DGKZ: variants seen among roughly 807,000 people sequenced by gnomAD.
The protein encoded by DGKZ is diacylglycerol kinase zeta.
In DGKZ, 45 loss-of-function variants were observed where a neutral mutation model predicts 142.5. The ratio of observed to expected loss-of-function variants is 0.32; its 90% CI spans 0.25 to 0.40. The LOEUF (loss-of-function observed/expected upper bound fraction) is 0.40, where lower values mean the gene tolerates loss of function less well. DGKZ is among the 10% of genes least tolerant of loss of function. DGKZ has a pLI of 1.00. For synonymous variants in DGKZ, 442 were observed against 527.0 expected, an observed-to-expected ratio of 0.84 and a Z score of 2.21; for missense variants, 755 against 1,306.5, an observed-to-expected ratio of 0.58 and a Z score of 6.51.
chr11:46,371,821 G>T, intron 9 of DGKZ, 46 bp downstream of exon 9: 1 of 1,584,886 alleles, frequency 6.3e-7, no homozygotes. Flanking sequence ...AGGAGAGAGG[G>T]GTCTGTTGCT....
chr11:46,369,497 A>C (rs1327233669), exon 5 of DGKZ: 1 of 1,613,880 alleles, frequency 6.2e-7, no homozygotes, highest in East Asian at 2.2e-5. Flanking sequence ...TTCACAGATA[A>C]ATTTCCGCTG....
Position 46,372,950 on chromosome 11 carries a change from TG to T in DGKZ, c.1186-10del. ...AGCCACAGAGGGCTCAGTCCCTGCC[TG>T]CTCCCCCAGGGCTACACAGATGAGC... On this transcript the variant is annotated splice_polypyrimidine_tract_variant and intron_variant, in intron 13 of 30. Coordinates refer to ENST00000527911, the Ensembl canonical transcript of DGKZ. The surrounding 1 kb of genome is among the most constrained non-coding windows in gnomAD (Gnocchi z 5.9). 1 of 1,550,502 alleles carries T rather than the reference TG, an allele frequency of 6.4e-7. No individual in the cohort carries two copies. The highest frequency in any genetic ancestry group is 8.7e-7 in the Non-Finnish European group (1 of 1,146,170).
chr11:46,335,891 A>T (rs1939989432), intron 1 of DGKZ, among the ~76,000 whole-genome samples: 1 of 152,208 alleles, frequency 6.6e-6, no homozygotes, highest in African/African-American at 2.4e-5. Context: ...GCCTCCTGGC[A>T]GGGGGACTGG....
intron 1 of DGKZ, among the ~76,000 whole-genome samples, chr11:46,337,454 C>T (rs1002628097): frequency 6.6e-6 from 1 of 151,922 alleles, no homozygotes; most frequent in Admixed American, 6.6e-5. Flanking sequence ...CACCACCACG[C>T]CGGGCTAATT....
intron 1 of DGKZ, among the ~76,000 whole-genome samples, chr11:46,336,640 A>G (rs1414422086): frequency 1.3e-5 from 2 of 152,142 alleles, no homozygotes; most frequent in African/African-American, 4.8e-5. Flanking sequence ...GTGCACTATC[A>G]TGATCATGGC....
chr11:46,364,272 AATGCAGTGTG>A, intron 1 of DGKZ: 1 of 963,018 alleles, frequency 1.0e-6, no homozygotes, highest in Non-Finnish European at 1.4e-6. Context: ...CCTCATCAGG[AATGCAGTGTG>A]ATGCAGTACC....
At chr11:46,374,812 A>C (rs1944357380) in exon 18 of DGKZ, 1 of 1,602,900 alleles carries the variant, frequency 6.2e-7, no homozygotes. Context: ...CTGAAACCCC[A>C]GTGTGTTGTT....
chr11:46,375,349 T>C, intron 19 of DGKZ, 83 bp from the exon 20 acceptor site: 4 of 1,429,810 alleles, frequency 2.8e-6, no homozygotes, highest in Non-Finnish European at 3.8e-6. Flanking sequence ...CTGGCTAGAG[T>C]TTCTGCTTCG....
chr11:46,333,364 G>C lies in DGKZ; in HGVS notation c.89G>C (p.Cys30Ser), dbSNP rs1331337661. 11 of 1,374,942 alleles carry C rather than the reference G, an allele frequency of 8.0e-6. No individual in the cohort carries two copies. The highest frequency in any genetic ancestry group is 1.0e-5 in the Non-Finnish European group (11 of 1,071,948). The allele number at this position is 1,374,942 out of a possible 1,614,324, so 85.2% of individuals were successfully genotyped here. The change falls in exon 1 of 31, where the codon TGC becomes TCC. Residue 30 changes from cysteine (C) to serine (S), a missense_variant. By Grantham distance (112) the Cys-to-Ser change is moderately radical (BLOSUM62 -1). Coordinates refer to the DGKZ transcript ENST00000343674. ...GAGGAGGAGGTGGTGCGGCGGCGAT[G>C]CCGGCGCGGGGAGGAGGCCCAGGTC...
chr11:46,345,702 G>A, upstream of DGKZ: 1 of 1,048,772 alleles, frequency 9.5e-7, no homozygotes. This position sits in a 1 kb window ranked among gnomAD's most constrained non-coding sequence, Gnocchi z 4.1. Flanking sequence ...GCACTCTGCA[G>A]AGGCACAGAG....
At position 46,372,902 on chromosome 11, in the gene DGKZ, G is replaced by C; in HGVS notation, c.1185+18G>C. ...GGGGTGGGGTAAGCACCCATAGGAG[G>C]GGGGTGCAGCTGGGGCCTCTCCAGC... On this transcript the variant is annotated intron_variant, in intron 13 of 30. Coordinates refer to ENST00000527911, the Ensembl canonical transcript of DGKZ. This position sits in a 1 kb window ranked among gnomAD's most constrained non-coding sequence, Gnocchi z 5.9. The C allele has an allele frequency of 1.3e-6, 2 of 1,565,380 alleles. No individual in the cohort carries two copies. Among genetic ancestry groups the C allele is most frequent in the Non-Finnish European group, 1.7e-6 (2 of 1,154,862 alleles).
chr11:46,376,988 A>T (rs963109732), intron 24 of DGKZ, 85 bp from the exon 25 acceptor site: 34 of 1,243,956 alleles, frequency 2.7e-5, no homozygotes, highest in Non-Finnish European at 3.8e-5. Flanking sequence ...CTCATGGCAG[A>T]GGCTTCTCCA....
At chr11:46,361,567 G>T (rs1214730406) in intron 1 of DGKZ, 14 of 931,488 alleles carry the variant, frequency 1.5e-5, no homozygotes, top group Non-Finnish European at 1.7e-5. Flanking sequence ...GGGTGACAAG[G>T]GGGAGGGGGC....
At chr11:46,336,977 C>A (rs571626949) in intron 1 of DGKZ, among the ~76,000 whole-genome samples, 1 of 152,084 alleles carries the variant, frequency 6.6e-6, no homozygotes, top group South Asian at 2.1e-4. Flanking sequence ...GCCACAATTG[C>A]GCCACTGCAC....
At chr11:46,362,971 C>T (rs1236749921) in intron 1 of DGKZ, among the ~76,000 whole-genome samples, 1 of 152,218 alleles carries the variant, frequency 6.6e-6, no homozygotes, top group Non-Finnish European at 1.5e-5. Flanking sequence ...TGAGTCCTTT[C>T]CCATCCTGTC....
At chr11:46,366,664 A>G in intron 1 of DGKZ, 1 of 1,592,634 alleles carries the variant, frequency 6.3e-7, no homozygotes, top group Non-Finnish European at 8.5e-7. Context: ...CCATCCAGCC[A>G]GGCACCAAGA....
downstream of DGKZ, chr11:46,380,536 A>C (rs984936576): frequency 2.0e-5 from 3 of 152,170 alleles, no homozygotes; most frequent in Non-Finnish European, 4.4e-5. Context: ...GACTCAGTAA[A>C]GTGGATTTTT....
At chr11:46,355,163 C>T (rs993820521) in intron 1 of DGKZ, among the ~76,000 whole-genome samples, 1 of 152,148 alleles carries the variant, frequency 6.6e-6, no homozygotes. Context: ...GGCTAGAGTG[C>T]AGTGGTGCGA....
intron 14 of DGKZ, among the ~76,000 whole-genome samples, chr11:46,373,790 G>A (rs1280238958): frequency 2.6e-5 from 4 of 152,216 alleles, no homozygotes; most frequent in Non-Finnish European, 4.4e-5. Flanking sequence ...GAGCCACCAC[G>A]CCTGGTCAGA....
Sources: allele counts gnomAD v4.1 joint callset (sites outside exome capture counted in the v4.1 genomes callset), GRCh38; gene constraint gnomAD v4.1.1; non-coding constraint Gnocchi (gnomAD v3.1); transcripts MANE v1.5; gene names NCBI Gene and HGNC (gene_info 2026-07-23, HGNC 2026-07-21).